MACROD2: variants seen among roughly 807,000 people sequenced by gnomAD.
The protein encoded by MACROD2 is ADP-ribose glycohydrolase MACROD2.
In MACROD2, 36 loss-of-function variants were observed where a neutral mutation model predicts 70.4. The observed-to-expected ratio is 0.51, with a 90% confidence interval of 0.39 to 0.68. MACROD2 has a LOEUF of 0.68. Among genes scored for constraint, MACROD2 ranks in the 30% least tolerant of loss-of-function variants. The pLI is 0.00. For synonymous variants in MACROD2, 172 were observed against 178.8 expected, an observed-to-expected ratio of 0.96 and a Z score of 0.30; for missense variants, 496 against 538.4, an observed-to-expected ratio of 0.92 and a Z score of 0.78.
intron 5 of MACROD2, chr20:14,888,454 G>A (rs1294611377): frequency 6.6e-6 from 1 of 152,158 alleles, no homozygotes; most frequent in African/African-American, 2.4e-5. Flanking sequence ...ATACACTTCT[G>A]TAAATCTCCA....
At chr20:14,242,680 G>A (rs1459488366) in intron 3 of MACROD2, among the ~76,000 whole-genome samples, 1 of 151,984 alleles carries the variant, frequency 6.6e-6, no homozygotes, top group East Asian at 1.9e-4. Context: ...CAGAAAACAG[G>A]CATCTGTTTA....
At chr20:14,180,979 T>A (rs1422419075) in intron 3 of MACROD2, among the ~76,000 whole-genome samples, 1 of 152,108 alleles carries the variant, frequency 6.6e-6, no homozygotes, top group East Asian at 1.9e-4. Context: ...TATCTGAAAA[T>A]TTATACAGAA....
chr20:14,595,421 A>T (rs1395102472), intron 4 of MACROD2, among the ~76,000 whole-genome samples: 1 of 152,168 alleles, frequency 6.6e-6, no homozygotes. Context: ...AAACAACGCG[A>T]ACTTCTGTGG....
chr20:14,343,946 G>A (rs1485358856), intron 3 of MACROD2, among the ~76,000 whole-genome samples: 7 of 152,186 alleles, frequency 4.6e-5, no homozygotes, highest in Admixed American at 4.6e-4. Context: ...ACTATTTCTG[G>A]AGTATTGGTG....
At chr20:15,230,235 T>C (rs1324017012) in intron 6 of MACROD2, among the ~76,000 whole-genome samples, 174 bp downstream of exon 6, 1 of 152,174 alleles carries the variant, frequency 6.6e-6, no homozygotes. Flanking sequence ...CTATAAATAT[T>C]TGCTAAATTT....
chr20:15,715,140 T>C (rs1403714878), intron 8 of MACROD2, among the ~76,000 whole-genome samples: 1 of 152,144 alleles, frequency 6.6e-6, no homozygotes, highest in East Asian at 1.9e-4. Context: ...GGATTTAATT[T>C]TATGTATAAA....
At chr20:14,350,496 C>G (rs1009963242) in intron 3 of MACROD2, among the ~76,000 whole-genome samples, 12 of 152,024 alleles carry the variant, frequency 7.9e-5, no homozygotes, top group African/African-American at 2.7e-4. Flanking sequence ...CTTTGCATTT[C>G]CCTGATGATT....
chr20:14,719,190 CACTGCACTCCAGCCTG>C (rs1330255970), intron 5 of MACROD2, among the ~76,000 whole-genome samples: 1 of 151,784 alleles, frequency 6.6e-6, no homozygotes, highest in Non-Finnish European at 1.5e-5. Context: ...GAGATCGCGC[CACTGCACTCCAGCCTG>C]GCGACAGAGT....
chr20:14,024,089 G>T (rs1230769221), intron 2 of MACROD2, among the ~76,000 whole-genome samples: 1 of 152,138 alleles, frequency 6.6e-6, no homozygotes, highest in African/African-American at 2.4e-5. Context: ...GCAGTGGTTT[G>T]TAGTTTTCCC....
chr20:14,700,236 A>C (rs2071179215), intron 5 of MACROD2, among the ~76,000 whole-genome samples: 1 of 152,060 alleles, frequency 6.6e-6, no homozygotes, highest in Non-Finnish European at 1.5e-5. Context: ...ATACCTATAG[A>C]CCATAGTCTG....
intron 5 of MACROD2, among the ~76,000 whole-genome samples, chr20:14,890,460 T>G (rs1057059769): frequency 6.6e-6 from 1 of 151,986 alleles, no homozygotes; most frequent in African/African-American, 2.4e-5. Flanking sequence ...GGGGAGAGCT[T>G]CATGGTGTCG....
chr20:14,785,539 A>G (rs988630390), intron 5 of MACROD2, among the ~76,000 whole-genome samples: 16 of 152,034 alleles, frequency 1.1e-4, no homozygotes, highest in Admixed American at 2.0e-4. Flanking sequence ...TTTACTGGCA[A>G]GCCTCTTTCA....
intron 5 of MACROD2, among the ~76,000 whole-genome samples, chr20:14,909,990 C>T (rs139086493): frequency 6.6e-6 from 1 of 152,220 alleles, no homozygotes; most frequent in African/African-American, 2.4e-5. Flanking sequence ...TTCTTGAGAA[C>T]CTTTGGAATT....
chr20:14,315,562 C>T (rs1310602584), intron 3 of MACROD2, among the ~76,000 whole-genome samples: 15 of 152,120 alleles, frequency 9.9e-5, no homozygotes, highest in Admixed American at 9.8e-4. Context: ...GATAATAACA[C>T]ATAAGCAAAA....
At chr20:15,669,142 T>A (rs972112365) in intron 8 of MACROD2, among the ~76,000 whole-genome samples, 1 of 152,218 alleles carries the variant, frequency 6.6e-6, no homozygotes, top group African/African-American at 2.4e-5. Context: ...CATAACTAAC[T>A]AGCTTGATGT....
chr20:14,157,029 T>C (rs541400203), intron 3 of MACROD2, among the ~76,000 whole-genome samples: 1 of 152,330 alleles, frequency 6.6e-6, no homozygotes, highest in South Asian at 2.1e-4. Context: ...TAATTTATGC[T>C]GCTTTATGTT....
chr20:14,629,370 C>A (rs1010614022), intron 4 of MACROD2, among the ~76,000 whole-genome samples: 4 of 152,142 alleles, frequency 2.6e-5, no homozygotes, highest in Non-Finnish European at 4.4e-5. Context: ...ATTCAAAATA[C>A]AACACACAGT....
chr20:15,072,464 A>C (rs548386370), intron 5 of MACROD2, among the ~76,000 whole-genome samples: 1 of 152,336 alleles, frequency 6.6e-6, no homozygotes, highest in Admixed American at 6.5e-5. Flanking sequence ...CAAATGAATA[A>C]AACTCTTTGC....
chr20:14,938,213 T>C (rs1056405653), intron 5 of MACROD2, among the ~76,000 whole-genome samples: 2 of 152,076 alleles, frequency 1.3e-5, no homozygotes, highest in African/African-American at 4.8e-5. Context: ...ATACCCAGTA[T>C]TGGAATTACT....
Sources: gnomAD v4.1 joint callset for allele counts (sites outside exome capture counted in the v4.1 genomes callset) on GRCh38, gnomAD v4.1.1 for gene constraint, MANE v1.5 for transcripts, NCBI Gene and HGNC (gene_info 2026-07-23, HGNC 2026-07-21) for gene names.